Variants in TMEM132E observed in about 807,000 individuals in gnomAD.
TMEM132E encodes transmembrane protein 132E.
TMEM132E carries 49 observed loss-of-function variants against 78.5 expected under a neutral mutation model. The ratio of observed to expected loss-of-function variants is 0.62; its 90% CI spans 0.50 to 0.79. The LOEUF (loss-of-function observed/expected upper bound fraction) is 0.79. Ranked by LOEUF, TMEM132E falls within the 30% of genes least tolerant of loss-of-function variation. The probability of loss-of-function intolerance (pLI) is 0.00; values close to 1 mark genes in which losing one functional copy is unlikely to be tolerated. For synonymous variants in TMEM132E, 715 were observed against 670.6 expected, an observed-to-expected ratio of 1.07 and a Z score of -1.02; for missense variants, 1,403 against 1,470.9, an observed-to-expected ratio of 0.95 and a Z score of 0.75.
intron 1 of TMEM132E, among the ~76,000 whole-genome samples, chr17:34,610,971 T>A (rs1220687772): frequency 6.6e-6 from 1 of 152,216 alleles, no homozygotes; most frequent in Non-Finnish European, 1.5e-5. Flanking sequence ...AGGTCCTAGG[T>A]GAAACCTAGA....
At chr17:34,582,250 T>C (rs1905515125) in intron 1 of TMEM132E, among the ~76,000 whole-genome samples, 1 of 151,610 alleles carries the variant, frequency 6.6e-6, no homozygotes, top group South Asian at 2.1e-4. Flanking sequence ...GCTCTCCGCA[T>C]TGGTGGAGCG....
Position 34,638,263 on chromosome 17 carries a change from C to CA in TMEM132E, c.*31_*32insA, listed in dbSNP as rs753954852. 17 of 1,473,874 alleles carry CA rather than the reference C, an allele frequency of 1.2e-5. No individual in the cohort carries two copies. In the East Asian group the frequency reaches 1.3e-4, roughly 11 times the overall value. The allele number at this position is 1,473,874 out of a possible 1,614,324, so 91.3% of individuals were successfully genotyped here. A position where few individuals can be genotyped will look rare whatever the true frequency, so the allele number is the denominator to read the frequency against. ...CCAGCCGGAGTAGCAGGGACCCCCC[C>CA]CCCCAACGGGGTCAGCTCGGGGTAG... On this transcript the variant is annotated 3_prime_UTR_variant, in exon 9 of 9. Transcript: ENST00000631683.
rs1366472364 is a variant in TMEM132E at position 34,579,809 on chromosome 17, GC to G, written c.-1266del. On this transcript the variant is annotated 5_prime_UTR_variant, in exon 1 of 9. The change abolishes the stop of an existing upstream ORF in the 5' untranslated region. Transcript: ENST00000631683. ...TTCCCTGGCCGCAAGCTGCGCAGGT[GC>G]CGGCTGCCCTGGCCCCTGGCGCCGC... The G allele has an allele frequency of 5.9e-5, 9 of 152,252 alleles. No individual in the cohort carries two copies. The highest frequency in any genetic ancestry group is 2.2e-4 in the African/African-American group (9 of 41,460). The allele number at this position is 152,252 out of a possible 1,614,324, so 9.4% of individuals were successfully genotyped here.
chr17:34,602,006 C>T (rs1597680242), intron 1 of TMEM132E, among the ~76,000 whole-genome samples: 4 of 152,218 alleles, frequency 2.6e-5, no homozygotes, highest in Non-Finnish European at 5.9e-5. Flanking sequence ...TCTCCAGTCT[C>T]CACAAGGCAC....
Position 34,632,913 on chromosome 17 carries a change from C to G in TMEM132E, c.1688+4C>G, listed in dbSNP as rs751029185. ...TACCTATCCTCCCCGACCGGAGGTACAGCCCCTCTCCCATGGCGGATACTT... is the reference window on the plus strand; with the variant it reads ...TACCTATCCTCCCCGACCGGAGGTAGAGCCCCTCTCCCATGGCGGATACTT... On this transcript the variant is annotated splice_donor_region_variant and intron_variant, in intron 6 of 8. Coordinates refer to ENST00000631683, the MANE Select transcript of TMEM132E (RefSeq NM_001304438.2). The G allele has an allele frequency of 1.2e-6, 2 of 1,613,904 alleles. No homozygotes were observed. Among genetic ancestry groups the G allele is most frequent in the Non-Finnish European group, 1.7e-6 (2 of 1,180,020 alleles).
chr17:34,585,770 A>G (rs1318514576), intron 1 of TMEM132E, among the ~76,000 whole-genome samples: 1 of 152,236 alleles, frequency 6.6e-6, no homozygotes, highest in Admixed American at 6.5e-5. Context: ...ATTCATTAAT[A>G]AACCTTACCA....
At chr17:34,582,176 A>G (rs1597672709) in intron 1 of TMEM132E, among the ~76,000 whole-genome samples, 1 of 149,112 alleles carries the variant, frequency 6.7e-6, no homozygotes, top group African/African-American at 2.5e-5. Context: ...GGGTGTTTCG[A>G]TGCTCCACGC....
intron 1 of TMEM132E, among the ~76,000 whole-genome samples, chr17:34,607,139 T>C (rs1167948922): frequency 6.6e-6 from 1 of 152,220 alleles, no homozygotes; most frequent in Non-Finnish European, 1.5e-5. Flanking sequence ...CCTGAGAAAT[T>C]ACTAACCCAT....
rs1907303417 is a variant in TMEM132E, at chr17:34,630,070, C to A, written c.1401C>A (p.Val467=). The change falls in exon 5 of 9, where the codon GTC becomes GTA. Residue 467 remains valine, a synonymous_variant. Coordinates refer to ENST00000631683, the MANE Select transcript of TMEM132E (RefSeq NM_001304438.2). ...TGRTVAIPVK[V]IAIEVNGLVL... ...GGACAGTGGCCATCCCTGTCAAGGT[C>A]ATTGCCATCGAGGTGAATGGCCTCG... 1.2e-6 allele frequency: 2 copies of A among 1,613,718 alleles called. No individual in the cohort carries two copies. Among genetic ancestry groups the A allele is most frequent in the South Asian group, 2.2e-5 (2 of 91,060 alleles).
At chr17:34,627,487 T>C (rs1321343800) in intron 2 of TMEM132E, among the ~76,000 whole-genome samples, 2 of 144,922 alleles carry the variant, frequency 1.4e-5, no homozygotes, top group African/African-American at 5.7e-5. Context: ...TGTGTGTGTG[T>C]GTGTGTGTGT....
Position 34,581,053 on chromosome 17 carries a change from A to G in TMEM132E, c.-24A>G. 7.2e-6 allele frequency: 11 copies of G among 1,527,074 alleles called. No homozygotes were observed. The highest frequency in any genetic ancestry group is 9.6e-6 in the Non-Finnish European group (11 of 1,142,188). 94.6% of individuals were successfully genotyped at this position (1,527,074 alleles called of 1,614,324 possible). On this transcript the variant is annotated 5_prime_UTR_variant, in exon 1 of 9. Coordinates refer to ENST00000631683, the MANE Select transcript of TMEM132E (RefSeq NM_001304438.2). ...TCGTCGTCGACTGTTGCTCTCTCGG[A>G]CCCCTCCCGCCCCCGCCTCGGCCAT...
chr17:34,629,936 T>C lies in TMEM132E; in HGVS notation c.1339-72T>C, dbSNP rs56187143. 248,213 of 1,486,776 alleles carry C rather than the reference T, an allele frequency of 0.17. 23,825 individuals are homozygous for C. Among genetic ancestry groups the C allele is most frequent in the East Asian group, 0.38 (15,684 of 41,592 alleles). 92.1% of individuals were successfully genotyped at this position (1,486,776 alleles called of 1,614,324 possible). A position where few individuals can be genotyped will look rare whatever the true frequency, so the allele number is the denominator to read the frequency against. On this transcript the variant is annotated intron_variant, in intron 4 of 8. Transcript: ENST00000631683. ...GAGTGGGGGGGGAGCGTCCAGGAGC[T>C]GGGGCCTTGGCTAGTGTGTCCCAGG...
intron 1 of TMEM132E, among the ~76,000 whole-genome samples, chr17:34,623,964 C>T (rs1907044867): frequency 6.6e-6 from 1 of 152,200 alleles, no homozygotes; most frequent in Non-Finnish European, 1.5e-5. Flanking sequence ...CATCAGCTCC[C>T]AGCATTTCTT....
At chr17:34,635,788 T>C (rs530238103) in intron 7 of TMEM132E, 113 of 401,796 alleles carry the variant, frequency 2.8e-4, no homozygotes, top group African/African-American at 2.2e-3. Flanking sequence ...CTCATTTGTG[T>C]TCCCGCCTGG....
At chr17:34,623,496 T>TG (rs1458105457) in intron 1 of TMEM132E, among the ~76,000 whole-genome samples, 1 of 147,548 alleles carries the variant, frequency 6.8e-6, no homozygotes, top group Non-Finnish European at 1.5e-5. Flanking sequence ...GGGAGGAGCG[T>TG]GGGGCCCCAC....
intron 1 of TMEM132E, among the ~76,000 whole-genome samples, chr17:34,620,830 G>A (rs12937685): frequency 6.6e-6 from 1 of 152,194 alleles, no homozygotes; most frequent in African/African-American, 2.4e-5. Context: ...GGCATGGAAG[G>A]ATGAGGGGGA....
In TMEM132E at chr17:34,626,404, C is replaced by T. The variant is rs572596534; in HGVS notation, c.345C>T (p.Asp115=). The change falls in exon 2 of 9, where the codon GAC becomes GAT. Residue 115 remains aspartate, a synonymous_variant. Coordinates refer to ENST00000631683, the MANE Select transcript of TMEM132E (RefSeq NM_001304438.2). ...TCCTGCAGCCGTCCAGCACCCTGGA[C>T]ATCCCCGAGCGCCTGACGGTGAACT... ...RELLQPSSTL[D]IPERLTVNWK... is the part of the protein sequence containing the mutation. The T allele has an allele frequency of 1.9e-6, 3 of 1,613,354 alleles. No individual in the cohort carries two copies. The African/African-American group carries it at 4.0e-5, about 21-fold the overall frequency.
At chr17:34,615,609 G>A (rs1437070471) in intron 1 of TMEM132E, among the ~76,000 whole-genome samples, 2 of 150,370 alleles carry the variant, frequency 1.3e-5, no homozygotes, top group Non-Finnish European at 2.9e-5. Context: ...TCATTCACTC[G>A]ACAATCCTCT....
At chr17:34,597,684 A>T (rs1195792606) in intron 1 of TMEM132E, among the ~76,000 whole-genome samples, 1 of 152,154 alleles carries the variant, frequency 6.6e-6, no homozygotes, top group African/African-American at 2.4e-5. Flanking sequence ...TCATGACCAC[A>T]GCCTTTTTTC....
Sources: allele counts gnomAD v4.1 joint callset (sites outside exome capture counted in the v4.1 genomes callset), GRCh38; gene constraint gnomAD v4.1.1; transcripts MANE v1.5; gene names NCBI Gene and HGNC (gene_info 2026-07-23, HGNC 2026-07-21).